Variants in KAZN observed in about 807,000 individuals in gnomAD.
The protein encoded by KAZN is kazrin, periplakin interacting protein.
A neutral mutation model predicts 87.4 loss-of-function variants in KAZN; 40 were observed. The ratio of observed to expected loss-of-function variants is 0.46; its 90% CI spans 0.36 to 0.60. The LOEUF is 0.60. Ranked by LOEUF, KAZN falls within the 20% of genes least tolerant of loss-of-function variation. KAZN has a pLI of 0.00. For synonymous variants in KAZN, 466 were observed against 458.3 expected, an observed-to-expected ratio of 1.02 and a Z score of -0.22; for missense variants, 898 against 1,073.9, an observed-to-expected ratio of 0.84 and a Z score of 2.29.
rs1452106268 is a variant in KAZN, at chr1:14,000,834, G to A, written c.91+107078G>A. ...GTCTCGCTCTGTCGCCCAGGCTGGA[G>A]TGCAGTGGCGGGATCTCGGCTCACT... On this transcript the variant is annotated intron_variant, in intron 1 of 16. Coordinates refer to the KAZN transcript ENST00000636203. Among the ~76,000 whole-genome samples, 4 of 151,744 alleles carry A rather than the reference G, an allele frequency of 2.6e-5. No individual in the cohort carries two copies. In the East Asian group the frequency reaches 7.8e-4, roughly 30 times the overall value.
chr1:14,897,883 C>A (rs931971897), intron 1 of KAZN, among the ~76,000 whole-genome samples: 6 of 152,210 alleles, frequency 3.9e-5, no homozygotes, highest in African/African-American at 1.4e-4. Context: ...CTGAAACTAA[C>A]CGGGGCTCAC....
chr1:14,987,974 T>C (rs566848628), intron 2 of KAZN, among the ~76,000 whole-genome samples: 193 of 152,270 alleles, frequency 1.3e-3, no homozygotes, highest in African/African-American at 4.3e-3. Flanking sequence ...GAGTTGGGCT[T>C]GAGCACCAGG....
intron 2 of KAZN, among the ~76,000 whole-genome samples, chr1:14,265,422 G>C: frequency 6.6e-6 from 1 of 152,180 alleles, no homozygotes; most frequent in East Asian, 1.9e-4. Context: ...ACAAACTTAA[G>C]GGTAAGGGAC....
intron 1 of KAZN, among the ~76,000 whole-genome samples, chr1:14,103,950 C>T (rs1331457078): frequency 1.3e-5 from 2 of 152,174 alleles, no homozygotes; most frequent in African/African-American, 4.8e-5. Flanking sequence ...ATGTAGGCAA[C>T]ATCTCTTTAC....
intron 1 of KAZN, among the ~76,000 whole-genome samples, chr1:14,778,447 C>T (rs915735841): frequency 4.6e-5 from 7 of 151,302 alleles, no homozygotes; most frequent in Non-Finnish European, 8.8e-5. Flanking sequence ...AGGAAGGGGA[C>T]ATCATGAGGC....
intron 1 of KAZN, among the ~76,000 whole-genome samples, chr1:14,039,385 G>T (rs1334317493): frequency 6.6e-6 from 1 of 152,134 alleles, no homozygotes; most frequent in Non-Finnish European, 1.5e-5. Flanking sequence ...TTTGAAAGAG[G>T]CTGGCAAATT....
chr1:13,948,703 GCAAA>G (rs1317297369), intron 1 of KAZN, among the ~76,000 whole-genome samples: 1 of 151,638 alleles, frequency 6.6e-6, no homozygotes, highest in Non-Finnish European at 1.5e-5. Flanking sequence ...TTTTTTTTCT[GCAAA>G]CAATCTTTTT....
chr1:15,101,557 C>A lies in KAZN; in HGVS notation c.1562C>A (p.Ala521Asp). The change falls in exon 11 of 15, where the codon GCC becomes GAC. Residue 521 changes from alanine (A) to aspartate (D), a missense_variant. Around this residue, in one of 3 missense-constraint regions of KAZN, gnomAD observed 521 missense variants for 689.4 expected, o/e 0.76. Coordinates refer to ENST00000376030, the MANE Select transcript of KAZN (RefSeq NM_201628.3). ...CTCCTCCCCAGCCTGTCCAAAGCTG[C>A]CGAGCTGGACCATCACTGGGTGGCC... ...AEAGRSLSKA[A>D]ELDHHWVAKA... The A allele has an allele frequency of 6.4e-7, 1 of 1,552,112 alleles. No homozygotes were observed. Among genetic ancestry groups the A allele is most frequent in the Non-Finnish European group, 8.7e-7 (1 of 1,147,154 alleles).
chr1:14,780,205 G>C (rs759493280), intron 1 of KAZN, among the ~76,000 whole-genome samples: 1 of 152,150 alleles, frequency 6.6e-6, no homozygotes, highest in African/African-American at 2.4e-5. Flanking sequence ...GCCTTGGCCC[G>C]ATCTTTGCTC....
intron 2 of KAZN, among the ~76,000 whole-genome samples, chr1:14,567,281 G>A (rs1052778098): frequency 6.6e-6 from 1 of 152,016 alleles, no homozygotes; most frequent in Non-Finnish European, 1.5e-5. Context: ...TGGAGCTGTC[G>A]GAACACACAA....
intron 2 of KAZN, among the ~76,000 whole-genome samples, chr1:14,368,384 C>T (rs1462369831): frequency 1.3e-5 from 2 of 152,186 alleles, no homozygotes; most frequent in Admixed American, 6.5e-5. Flanking sequence ...AGTGCATTTT[C>T]ACTTCGTGTT....
intron 2 of KAZN, among the ~76,000 whole-genome samples, chr1:14,298,554 T>G (rs1479208048): frequency 6.6e-6 from 1 of 152,242 alleles, no homozygotes; most frequent in Non-Finnish European, 1.5e-5. Flanking sequence ...TTGATATATA[T>G]CTCTGCATGT....
rs532888727 is a variant in KAZN at position 14,057,830 on chromosome 1, T to C, written c.92-122605T>C. On this transcript the variant is annotated intron_variant, in intron 1 of 16. Transcript: ENST00000636203. ...GGATGTTTTGCTGTTTTTATTTCTC[T>C]GCTGCATACTCAGTGCCTGGCACAT... Among the ~76,000 whole-genome samples, 4 of 152,354 alleles carry C rather than the reference T, an allele frequency of 2.6e-5. No individual in the cohort carries two copies. In the East Asian group the frequency reaches 7.7e-4, roughly 29 times the overall value.
chr1:14,381,634 G>A (rs1025860596), intron 2 of KAZN, among the ~76,000 whole-genome samples: 18 of 152,066 alleles, frequency 1.2e-4, no homozygotes, highest in African/African-American at 2.2e-4. Flanking sequence ...AGCCATTCAT[G>A]ATAAAAACCC....
intron 1 of KAZN, among the ~76,000 whole-genome samples, chr1:14,929,319 G>T (rs1659532214): frequency 6.6e-6 from 1 of 152,198 alleles, no homozygotes; most frequent in Admixed American, 6.5e-5. Context: ...CCAAAGGGCT[G>T]CTAGCTGCTT....
chr1:14,209,390 G>C (rs1646808631), intron 2 of KAZN, among the ~76,000 whole-genome samples: 1 of 152,192 alleles, frequency 6.6e-6, no homozygotes, highest in Non-Finnish European at 1.5e-5. Context: ...AGAACCAGGG[G>C]AGATGTTTTT....
intron 2 of KAZN, among the ~76,000 whole-genome samples, chr1:14,215,015 G>A (rs1646930939): frequency 6.6e-6 from 1 of 152,164 alleles, no homozygotes; most frequent in Non-Finnish European, 1.5e-5. Context: ...CAACATTTAG[G>A]TATGCAGAAA....
intron 1 of KAZN, among the ~76,000 whole-genome samples, chr1:14,011,035 T>C (rs924354192): frequency 6.6e-6 from 1 of 151,994 alleles, no homozygotes; most frequent in African/African-American, 2.4e-5. Context: ...CCCTCCTCCA[T>C]TGCCATCACT....
At chr1:14,173,662 C>T (rs79825805) in intron 1 of KAZN, among the ~76,000 whole-genome samples, 16 of 117,000 alleles carry the variant, frequency 1.4e-4, no homozygotes, top group African/African-American at 4.4e-4. Flanking sequence ...TTCCCCTCCC[C>T]GCCCCGCCCC....
Sources: allele counts gnomAD v4.1 joint callset (sites outside exome capture counted in the v4.1 genomes callset), GRCh38; gene constraint gnomAD v4.1.1; regional missense constraint gnomAD v4.1.1; transcripts MANE v1.5; gene names NCBI Gene and HGNC (gene_info 2026-07-23, HGNC 2026-07-21).